HYCC1: variants seen among roughly 807,000 people sequenced by gnomAD.
HYCC1 encodes hyccin.
the HYCC1 span, chr7:22,944,853 AAAC>A: frequency 6.6e-6 from 1 of 152,520 alleles, no homozygotes; most frequent in Non-Finnish European, 1.5e-5. Context: ...AAACACTTCA[AAAC>A]AACACACCTA....
chr7:22,981,950 TAG>T, the HYCC1 span, among the ~76,000 whole-genome samples: 2 of 152,194 alleles, frequency 1.3e-5, no homozygotes, highest in African/African-American at 2.4e-5. Context: ...CTATATTCAC[TAG>T]AGTTATCTGA....
At chr7:22,992,138 T>TTAC in the HYCC1 span, among the ~76,000 whole-genome samples, 20 of 132,280 alleles carry the variant, frequency 1.5e-4, no homozygotes, top group Non-Finnish European at 2.5e-4. Flanking sequence ...AATATTATTA[T>TTAC]TATTATTAAT....
chr7:22,953,333 A>C, the HYCC1 span, among the ~76,000 whole-genome samples: 1 of 151,938 alleles, frequency 6.6e-6, no homozygotes, highest in Non-Finnish European at 1.5e-5. Flanking sequence ...AAGGTGGAGA[A>C]AGGAGGAGTG....
chr7:22,904,049 GA>G, the HYCC1 span, among the ~76,000 whole-genome samples: 1 of 152,020 alleles, frequency 6.6e-6, no homozygotes, highest in African/African-American at 2.4e-5. Context: ...ACAAAATCAA[GA>G]AAATGTATAA....
the HYCC1 span, among the ~76,000 whole-genome samples, chr7:23,013,339 A>C: frequency 2.0e-5 from 3 of 152,356 alleles, no homozygotes; most frequent in African/African-American, 4.8e-5. Flanking sequence ...TCCGCCCTGC[A>C]GGGGACCAAA....
the HYCC1 span, among the ~76,000 whole-genome samples, chr7:22,972,459 G>A: frequency 3.3e-5 from 5 of 152,298 alleles, no homozygotes; most frequent in East Asian, 7.7e-4. Flanking sequence ...GACAATGGGA[G>A]AGAATTCAAC....
At chr7:22,978,196 A>G in the HYCC1 span, 2 of 1,360,514 alleles carry the variant, frequency 1.5e-6, no homozygotes, top group Non-Finnish European at 2.1e-6. Context: ...CTTTATTAAA[A>G]TGAAAAGCAG....
At chr7:22,970,582 T>A in the HYCC1 span, among the ~76,000 whole-genome samples, 1 of 152,232 alleles carries the variant, frequency 6.6e-6, no homozygotes, top group Non-Finnish European at 1.5e-5. Flanking sequence ...ACTTTAGGAA[T>A]GATGGTCACG....
the HYCC1 span, chr7:22,978,361 C>CT: frequency 6.2e-7 from 1 of 1,614,062 alleles, no homozygotes; most frequent in Non-Finnish European, 8.5e-7. Flanking sequence ...CAAATTAGTT[C>CT]TGGGAGAAAT....
At chr7:22,935,788 G>C in the HYCC1 span, 2 of 151,946 alleles carry the variant, frequency 1.3e-5, no homozygotes, top group Non-Finnish European at 2.9e-5. Flanking sequence ...TGGGATTACA[G>C]GCATGTGCTA....
At chr7:22,983,923 A>C in the HYCC1 span, 1 of 1,365,518 alleles carries the variant, frequency 7.3e-7, no homozygotes, top group Non-Finnish European at 1.0e-6. Flanking sequence ...TGTTAGCACA[A>C]TAAACCATAA....
the HYCC1 span, among the ~76,000 whole-genome samples, chr7:22,968,043 T>C: frequency 6.6e-6 from 1 of 152,158 alleles, no homozygotes; most frequent in Non-Finnish European, 1.5e-5. Flanking sequence ...AATAAAACTA[T>C]CTATTACAGA....
chr7:22,900,576 T>C, the HYCC1 span, among the ~76,000 whole-genome samples: 1 of 152,228 alleles, frequency 6.6e-6, no homozygotes, highest in Non-Finnish European at 1.5e-5. Flanking sequence ...TGCTTAGGGA[T>C]GTATATTATA....
At chr7:22,976,383 T>C in the HYCC1 span, 3 of 975,694 alleles carry the variant, frequency 3.1e-6, no homozygotes, top group South Asian at 1.3e-5. Flanking sequence ...AGAGCACTCC[T>C]TGGGGAGAGA....
At chr7:22,979,501 T>G in the HYCC1 span, among the ~76,000 whole-genome samples, 1 of 152,152 alleles carries the variant, frequency 6.6e-6, no homozygotes, top group Non-Finnish European at 1.5e-5. Flanking sequence ...AGAAAAGTTT[T>G]TAGCGTAGGA....
chr7:22,976,840 A>T, the HYCC1 span: 1 of 1,329,920 alleles, frequency 7.5e-7, no homozygotes, highest in South Asian at 1.2e-5. Context: ...AAAGAAAAAA[A>T]AAGCTATTCT....
At chr7:22,948,618 G>A in the HYCC1 span, among the ~76,000 whole-genome samples, 1 of 151,992 alleles carries the variant, frequency 6.6e-6, no homozygotes, top group Admixed American at 6.6e-5. Flanking sequence ...GGGTGCCTTG[G>A]ATACTCCATA....
At chr7:22,991,319 T>C in the HYCC1 span, among the ~76,000 whole-genome samples, 1 of 152,162 alleles carries the variant, frequency 6.6e-6, no homozygotes, top group Non-Finnish European at 1.5e-5. Context: ...TGCAAGAATT[T>C]TGACAAAAGT....
the HYCC1 span, among the ~76,000 whole-genome samples, chr7:22,996,581 C>T: frequency 1.7e-5 from 2 of 120,818 alleles, no homozygotes; most frequent in South Asian, 5.3e-4. Context: ...GTCCTTACCA[C>T]GTACAGTACA....
Sources: allele counts gnomAD v4.1 joint callset (sites outside exome capture counted in the v4.1 genomes callset), GRCh38; gene constraint gnomAD v4.1.1; transcripts MANE v1.5; gene names NCBI Gene and HGNC (gene_info 2026-07-23, HGNC 2026-07-21).